ARAP2: variants seen among roughly 807,000 people sequenced by gnomAD.
The protein encoded by ARAP2 is ArfGAP with RhoGAP domain, ankyrin repeat and PH domain 2.
A neutral mutation model predicts 194.5 loss-of-function variants in ARAP2; 148 were observed. The ratio of observed to expected loss-of-function variants is 0.76; its 90% CI spans 0.67 to 0.87. ARAP2 has a LOEUF of 0.87. ARAP2 is among the 40% of genes least tolerant of loss of function. The pLI is 0.00. For missense variants in ARAP2, 2,128 were observed against 1,989.7 expected (o/e 1.07, Z -1.32); for synonymous variants, 695 against 683.5 (o/e 1.02, Z -0.26).
chr4:36,148,550 G>T (rs1040918861), intron 16 of ARAP2, 43 bp from the exon 17 acceptor site: 7 of 1,411,284 alleles, frequency 5.0e-6, no homozygotes, highest in Non-Finnish European at 6.9e-6. Context: ...GTTATATTTA[G>T]CTCTTAAGAA....
chr4:36,211,928 G>T (rs1170914780), intron 5 of ARAP2, among the ~76,000 whole-genome samples: 2 of 151,988 alleles, frequency 1.3e-5, no homozygotes, highest in Non-Finnish European at 2.9e-5. Context: ...CAAAATTGAA[G>T]TTGGTGCATA....
chr4:36,085,817 T>C (rs190188526), intron 28 of ARAP2, among the ~76,000 whole-genome samples: 1 of 152,178 alleles, frequency 6.6e-6, no homozygotes, highest in Non-Finnish European at 1.5e-5. Flanking sequence ...ATCAGAGAAG[T>C]CTATAGTTTT....
intron 26 of ARAP2, among the ~76,000 whole-genome samples, chr4:36,113,290 T>A (rs1720492933): frequency 6.6e-6 from 1 of 151,940 alleles, no homozygotes; most frequent in South Asian, 2.1e-4. Flanking sequence ...AGTCATTAGA[T>A]CTTGGCAATG....
intron 19 of ARAP2, among the ~76,000 whole-genome samples, chr4:36,138,858 C>G (rs1389521594): frequency 6.6e-6 from 1 of 151,716 alleles, no homozygotes; most frequent in Non-Finnish European, 1.5e-5. Flanking sequence ...ACACTTTGCA[C>G]TGCCACTTTC....
At chr4:36,136,684 T>C (rs772056262) in intron 19 of ARAP2, among the ~76,000 whole-genome samples, 2 of 151,228 alleles carry the variant, frequency 1.3e-5, no homozygotes, top group Admixed American at 1.3e-4. Flanking sequence ...AAAAATAAAA[T>C]AGTAAGTCTT....
intron 20 of ARAP2, among the ~76,000 whole-genome samples, chr4:36,130,236 G>GT (rs1725091324): frequency 6.6e-6 from 1 of 151,970 alleles, no homozygotes; most frequent in African/African-American, 2.4e-5. Context: ...ATTCAGGTCT[G>GT]TATGTATTAG....
At chr4:36,022,290 A>G (rs990661129) in intron 5 of ARAP2, among the ~76,000 whole-genome samples, 2 of 152,192 alleles carry the variant, frequency 1.3e-5, no homozygotes, top group African/African-American at 4.8e-5. Context: ...ATGTTTAAGG[A>G]TCACAGCCAT....
At chr4:36,048,446 A>G (rs1440156246) in intron 3 of ARAP2, among the ~76,000 whole-genome samples, 1 of 152,160 alleles carries the variant, frequency 6.6e-6, no homozygotes, top group Non-Finnish European at 1.5e-5. Context: ...GCTCCCACTT[A>G]TAAGTGAGAA....
chr4:36,068,907 T>C (rs1726153808), intron 32 of ARAP2, among the ~76,000 whole-genome samples: 2 of 152,258 alleles, frequency 1.3e-5, no homozygotes, highest in Admixed American at 6.5e-5. Flanking sequence ...AAATTCATTT[T>C]AACATGCATT....
intron 5 of ARAP2, among the ~76,000 whole-genome samples, chr4:36,031,897 G>C (rs1178546611): frequency 6.6e-6 from 1 of 152,058 alleles, no homozygotes; most frequent in East Asian, 1.9e-4. Flanking sequence ...TTGAACTCCT[G>C]ACCTCAGGTG....
chr4:36,143,489 T>C (rs1243362894), intron 19 of ARAP2, among the ~76,000 whole-genome samples: 1 of 151,724 alleles, frequency 6.6e-6, no homozygotes, highest in Non-Finnish European at 1.5e-5. Flanking sequence ...AGTTACAAAT[T>C]GACCTTACTT....
Position 36,229,286 on chromosome 4 carries a change from G to A in ARAP2, c.201C>T (p.Ile67=), listed in dbSNP as rs760062657. The change falls in exon 2 of 33, where the codon ATC becomes ATT. Residue 67 remains isoleucine, a synonymous_variant. Coordinates refer to ENST00000303965, the MANE Select transcript of ARAP2 (RefSeq NM_015230.4). ...RRRILKQLQI[I]LSKMQDIPIY... ...TTGGAATATCTTGCATTTTTGACAA[G>A]ATTATCTGTAACTGTTTAAGTATCC... 1 of 1,613,968 alleles carries A rather than the reference G, an allele frequency of 6.2e-7. No homozygotes were observed. Among genetic ancestry groups the A allele is most frequent in the East Asian group, 2.2e-5 (1 of 44,884 alleles).
At chr4:36,014,745 A>G (rs1282102327) in intron 8 of ARAP2, among the ~76,000 whole-genome samples, 2 of 152,164 alleles carry the variant, frequency 1.3e-5, no homozygotes, top group Non-Finnish European at 2.9e-5. Context: ...AACTTCCCAA[A>G]GTGATGATAC....
chr4:36,107,458 C>A, intron 27 of ARAP2, 107 bp downstream of exon 27: 1 of 1,179,892 alleles, frequency 8.5e-7, no homozygotes, highest in East Asian at 2.6e-5. Flanking sequence ...CATTCTGTAT[C>A]TAGCTACTCG....
At chr4:36,189,675 TCCTG>T (rs1009911628) in intron 7 of ARAP2, among the ~76,000 whole-genome samples, 9 of 152,158 alleles carry the variant, frequency 5.9e-5, no homozygotes, top group Non-Finnish European at 1.0e-4. Context: ...AACTTTCTGT[TCCTG>T]CCGTATTTCA....
intron 9 of ARAP2, among the ~76,000 whole-genome samples, chr4:36,009,800 T>C (rs1409883374): frequency 6.9e-6 from 1 of 144,460 alleles, no homozygotes; most frequent in African/African-American, 2.6e-5. Context: ...AAGGAACTCT[T>C]CCCAGATGGA....
downstream of ARAP2, among the ~76,000 whole-genome samples, chr4:36,063,953 G>C (rs1724897601): frequency 6.6e-6 from 1 of 152,100 alleles, no homozygotes; most frequent in African/African-American, 2.4e-5. Context: ...AATTGCTTTT[G>C]CATTATATTT....
At chr4:36,019,724 T>C (rs1310997950) in intron 5 of ARAP2, among the ~76,000 whole-genome samples, 1 of 152,006 alleles carries the variant, frequency 6.6e-6, no homozygotes, top group Admixed American at 6.6e-5. Flanking sequence ...TATGAAGAAC[T>C]GAATTATAGA....
intron 32 of ARAP2, among the ~76,000 whole-genome samples, chr4:36,072,794 A>C (rs2109315359): frequency 6.6e-6 from 1 of 152,164 alleles, no homozygotes; most frequent in African/African-American, 2.4e-5. Context: ...CTAAGCAGTA[A>C]ACAAAGGACC....
Sources: allele counts gnomAD v4.1 joint callset (sites outside exome capture counted in the v4.1 genomes callset), GRCh38; gene constraint gnomAD v4.1.1; transcripts MANE v1.5; gene names NCBI Gene and HGNC (gene_info 2026-07-23, HGNC 2026-07-21).